TCP1: variants seen among roughly 807,000 people sequenced by gnomAD.
The protein encoded by TCP1 is T-complex protein 1 subunit alpha.
In TCP1, 6 loss-of-function variants were observed where a neutral mutation model predicts 54.7. That is an observed-to-expected ratio of 0.11 (90% CI 0.06 to 0.22). The LOEUF (loss-of-function observed/expected upper bound fraction) is 0.22, where lower values mean the gene tolerates loss of function less well. TCP1 is among the 10% of genes least tolerant of loss of function. The pLI is 1.00. For synonymous variants in TCP1, 225 were observed against 229.7 expected, an observed-to-expected ratio of 0.98 and a Z score of 0.19; for missense variants, 511 against 678.2, an observed-to-expected ratio of 0.75 and a Z score of 2.74.
chr6:159,782,948 G>C (rs1311739792), intron 7 of TCP1, among the ~76,000 whole-genome samples: 2 of 152,226 alleles, frequency 1.3e-5, no homozygotes, highest in Non-Finnish European at 2.9e-5. Flanking sequence ...TTTCACGCTA[G>C]AGACCTTAAC....
chr6:159,779,346 G>T, intron 11 of TCP1, 85 bp from the exon 12 acceptor site: 2 of 1,273,742 alleles, frequency 1.6e-6, no homozygotes, highest in Non-Finnish European at 2.2e-6. Context: ...CAAGTATTAA[G>T]GTTGATTTTT....
At chr6:159,781,194 A>T in intron 7 of TCP1, 84 bp from the exon 8 acceptor site, 1 of 1,171,742 alleles carries the variant, frequency 8.5e-7, no homozygotes, top group East Asian at 2.6e-5. Context: ...TCACAAGATA[A>T]TCATAGATCA....
intron 7 of TCP1, among the ~76,000 whole-genome samples, chr6:159,781,493 C>A (rs1780574919): frequency 6.6e-6 from 1 of 152,194 alleles, no homozygotes; most frequent in Non-Finnish European, 1.5e-5. Flanking sequence ...TGAGTCCAGG[C>A]CAAGTGCAGT....
intron 5 of TCP1, 62 bp downstream of exon 5, chr6:159,785,324 T>C (rs1780668733): frequency 3.2e-6 from 4 of 1,246,868 alleles, no homozygotes; most frequent in South Asian, 1.2e-5. Context: ...CATACCACCA[T>C]GCCCATCTCA....
chr6:159,788,226 T>C (rs571733712), intron 1 of TCP1, 83 bp from the exon 2 acceptor site: 2 of 1,341,064 alleles, frequency 1.5e-6, no homozygotes, highest in South Asian at 1.2e-5. Flanking sequence ...TAAAGGTAAA[T>C]GACATCCAAC....
rs1395259303 is a variant in TCP1, at chr6:159,789,465, C to T, written c.4G>A (p.Glu2Lys). The T allele has an allele frequency of 6.2e-7, 1 of 1,613,912 alleles. No individual in the cohort carries two copies. Among genetic ancestry groups the T allele is most frequent in the Non-Finnish European group, 8.5e-7 (1 of 1,179,862 alleles). The change falls in exon 1 of 12, where the codon GAG becomes AAG. Residue 2 changes from glutamate to lysine, a missense_variant. Around this residue, in one of 5 missense-constraint regions of TCP1, gnomAD observed 35 missense variants for 32.7 expected, o/e 1.07. Transcript: ENST00000321394. M[E>K]GPLSVFGDRS... ...TCACCGAACACGGACAAAGGCCCCT[C>T]CATCTTGACGGCAGCGATACACGTC...
intron 3 of TCP1, among the ~76,000 whole-genome samples, chr6:159,786,769 G>A (rs917561992): frequency 6.6e-6 from 1 of 152,112 alleles, no homozygotes; most frequent in African/African-American, 2.4e-5. Context: ...AGTTTCTCCA[G>A]AATTAACATC....
intron 4 of TCP1, 194 bp from the exon 5 acceptor site, chr6:159,785,690 C>G (rs775622917): frequency 2.5e-6 from 2 of 793,694 alleles, no homozygotes; most frequent in Non-Finnish European, 4.5e-6. Context: ...AGCATAGCCA[C>G]TAAAATCTAT....
At chr6:159,785,654 T>C (rs778697241) in intron 4 of TCP1, 158 bp from the exon 5 acceptor site, 1 of 801,864 alleles carries the variant, frequency 1.2e-6, no homozygotes, top group Admixed American at 1.7e-5. Flanking sequence ...CCTCTTCAGA[T>C]CATGGCAAGT....
chr6:159,780,837 T>TTTTGAGCTGTTTTCTG (rs1267363611), intron 8 of TCP1, 98 bp downstream of exon 8: 8 of 1,404,402 alleles, frequency 5.7e-6, no homozygotes, highest in Non-Finnish European at 7.7e-6. Context: ...ATATAAATGT[T>TTTTGAGCTGTTTTCTG]TTTGAGCTGT....
chr6:159,782,264 T>C (rs1468801216), intron 7 of TCP1, among the ~76,000 whole-genome samples: 2 of 152,212 alleles, frequency 1.3e-5, no homozygotes, highest in African/African-American at 4.8e-5. Context: ...GAAGAATTTT[T>C]AAAGTAAAAT....
chr6:159,788,771 C>T (rs1274559602), intron 1 of TCP1: 1 of 153,272 alleles, frequency 6.5e-6, no homozygotes, highest in African/African-American at 2.4e-5. Flanking sequence ...AATTAGGAAT[C>T]TATCAAGAAA....
intron 6 of TCP1, 106 bp from the exon 7 acceptor site, chr6:159,784,173 G>T: frequency 7.4e-7 from 1 of 1,358,128 alleles, no homozygotes; most frequent in Non-Finnish European, 9.7e-7. Flanking sequence ...CTAATTCATT[G>T]CATTTTATCT....
chr6:159,781,143 C>T (rs760818106), intron 7 of TCP1, 33 bp from the exon 8 acceptor site: 1 of 1,496,866 alleles, frequency 6.7e-7, no homozygotes, highest in South Asian at 1.3e-5. Context: ...GAGTTACCTT[C>T]TGTGATTTTT....
intron 3 of TCP1, 146 bp downstream of exon 3, chr6:159,787,592 CTTCTT>C (rs76471477): frequency 0.21 from 219,322 of 1,064,936 alleles, 23,330 homozygotes; most frequent in East Asian, 0.38. Context: ...AAATGTGTAA[CTTCTT>C]TTGTTTTTTC....
intron 7 of TCP1, among the ~76,000 whole-genome samples, chr6:159,781,887 A>G (rs768892352): frequency 3.9e-5 from 6 of 152,250 alleles, no homozygotes; most frequent in Non-Finnish European, 8.8e-5. Flanking sequence ...TACTAAGCTT[A>G]ATATCTCTAA....
chr6:159,780,415 CTT>C, intron 9 of TCP1, 26 bp downstream of exon 9: 1 of 1,608,124 alleles, frequency 6.2e-7, no homozygotes, highest in Non-Finnish European at 8.5e-7. Flanking sequence ...ATCGGTATAA[CTT>C]TACAATTTTA....
At chr6:159,785,329 A>G (rs1273721086) in intron 5 of TCP1, 57 bp downstream of exon 5, 2 of 1,325,404 alleles carry the variant, frequency 1.5e-6, no homozygotes, top group African/African-American at 1.4e-5. Context: ...CACCATGCCC[A>G]TCTCAAAGTC....
At chr6:159,784,458 C>T (rs1780647429) in intron 6 of TCP1, among the ~76,000 whole-genome samples, 1 of 152,116 alleles carries the variant, frequency 6.6e-6, no homozygotes, top group South Asian at 2.1e-4. Context: ...GCAGGTGCCA[C>T]CATGCCCAGC....
Sources: allele counts gnomAD v4.1 joint callset (sites outside exome capture counted in the v4.1 genomes callset), GRCh38; gene constraint gnomAD v4.1.1; regional missense constraint gnomAD v4.1.1; transcripts MANE v1.5; gene names NCBI Gene and HGNC (gene_info 2026-07-23, HGNC 2026-07-21).